Variants in FOCAD observed in about 807,000 individuals in gnomAD.
FOCAD encodes the protein KIAA1797.
A neutral mutation model predicts 225.6 loss-of-function variants in FOCAD; 198 were observed. The ratio of observed to expected loss-of-function variants is 0.88; its 90% CI spans 0.78 to 0.99. The LOEUF (loss-of-function observed/expected upper bound fraction) is 0.99, where lower values mean the gene tolerates loss of function less well. Among genes scored for constraint, FOCAD ranks in the 50% least tolerant of loss-of-function variants. FOCAD has a pLI of 0.00. For synonymous variants in FOCAD, 897 were observed against 755.0 expected, an observed-to-expected ratio of 1.19 and a Z score of -3.08; for missense variants, 2,713 against 2,123.6, an observed-to-expected ratio of 1.28 and a Z score of -5.46.
intron 24 of FOCAD, among the ~76,000 whole-genome samples, chr9:20,919,517 CA>C (rs1187704095): frequency 3.9e-5 from 6 of 152,084 alleles, no homozygotes; most frequent in African/African-American, 1.4e-4. Context: ...AATCCTAAGC[CA>C]AAAGAACAAA....
chr9:20,955,475 C>T (rs1227077521), intron 35 of FOCAD, among the ~76,000 whole-genome samples: 1 of 151,618 alleles, frequency 6.6e-6, no homozygotes, highest in Non-Finnish European at 1.5e-5. Flanking sequence ...GATGAGATTC[C>T]CTCAGTTTTT....
chr9:20,828,552 C>T (rs886783047), intron 15 of FOCAD, among the ~76,000 whole-genome samples: 2 of 152,044 alleles, frequency 1.3e-5, no homozygotes, highest in East Asian at 3.9e-4. Context: ...TTTGCACCAG[C>T]ATTGTAAGAA....
At chr9:20,967,412 T>G (rs1839361153) in intron 35 of FOCAD, among the ~76,000 whole-genome samples, 1 of 152,166 alleles carries the variant, frequency 6.6e-6, no homozygotes, top group African/African-American at 2.4e-5. Context: ...CTATTAGTTT[T>G]TAAAAAGATT....
intron 7 of FOCAD, among the ~76,000 whole-genome samples, chr9:20,769,244 G>T (rs1349444442): frequency 1.3e-5 from 2 of 151,956 alleles, no homozygotes; most frequent in African/African-American, 2.4e-5. Context: ...ATAGTCATTT[G>T]GGTTATTATG....
At chr9:20,679,125 G>T (rs933372285) in intron 2 of FOCAD, among the ~76,000 whole-genome samples, 2 of 62,506 alleles carry the variant, frequency 3.2e-5, no homozygotes, top group Non-Finnish European at 6.6e-5. Flanking sequence ...CTGTGTATGT[G>T]TGTGTGTGTG....
chr9:20,721,668 C>T (rs1825776746), intron 4 of FOCAD, among the ~76,000 whole-genome samples: 1 of 152,126 alleles, frequency 6.6e-6, no homozygotes. Flanking sequence ...CACCACTGCA[C>T]TCCAGCCTGG....
chr9:20,849,849 A>G (rs1827476187), intron 15 of FOCAD, among the ~76,000 whole-genome samples: 1 of 151,888 alleles, frequency 6.6e-6, no homozygotes, highest in Non-Finnish European at 1.5e-5. Context: ...TGCAAAAAGA[A>G]GGCCTATCTC....
chr9:20,713,309 ACAGG>A (rs1212042352), intron 1 of FOCAD, among the ~76,000 whole-genome samples: 8 of 152,122 alleles, frequency 5.3e-5, no homozygotes, highest in Non-Finnish European at 1.2e-4. Flanking sequence ...TCTTCCTAAG[ACAGG>A]GCTTAAGCAA....
intron 15 of FOCAD, among the ~76,000 whole-genome samples, chr9:20,830,490 T>G (rs377183392): frequency 2.0e-5 from 3 of 152,138 alleles, no homozygotes; most frequent in Non-Finnish European, 4.4e-5. Context: ...CATTTTTTCA[T>G]ATCCCTTTTC....
At chr9:20,762,236 T>C (rs551175487) in intron 6 of FOCAD, among the ~76,000 whole-genome samples, 4 of 152,356 alleles carry the variant, frequency 2.6e-5, no homozygotes, top group African/African-American at 9.6e-5. Context: ...TTCTGGGAAC[T>C]TTCACTTTGT....
At chr9:20,754,077 A>C (rs376819538) in intron 5 of FOCAD, among the ~76,000 whole-genome samples, 4 of 152,252 alleles carry the variant, frequency 2.6e-5, no homozygotes, top group African/African-American at 9.6e-5. Flanking sequence ...TAAAGTTGTT[A>C]ACTTGACTCA....
At chr9:20,674,712 A>C (rs556039675) in intron 2 of FOCAD, among the ~76,000 whole-genome samples, 1 of 152,174 alleles carries the variant, frequency 6.6e-6, no homozygotes, top group East Asian at 1.9e-4. Flanking sequence ...GACGATGATG[A>C]TTTTATTTGA....
chr9:20,722,165 C>G (rs977238096), intron 4 of FOCAD, among the ~76,000 whole-genome samples: 1 of 151,260 alleles, frequency 6.6e-6, no homozygotes, highest in African/African-American at 2.4e-5. Flanking sequence ...GCCTCAGCCT[C>G]CTAAGTAGCT....
At chr9:20,727,040 AT>A (rs1826253405) in intron 4 of FOCAD, among the ~76,000 whole-genome samples, 2 of 152,104 alleles carry the variant, frequency 1.3e-5, no homozygotes, top group African/African-American at 4.8e-5. Context: ...TTATATTTAT[AT>A]TGATATTATG....
chr9:20,940,280 T>TC (rs1241626532), intron 28 of FOCAD, among the ~76,000 whole-genome samples: 2 of 144,450 alleles, frequency 1.4e-5, no homozygotes, highest in Admixed American at 7.1e-5. Context: ...TGTGCAGTTC[T>TC]CCCTTTTTTT....
At chr9:20,989,581 G>C (rs1841473912) in intron 41 of FOCAD, among the ~76,000 whole-genome samples, 1 of 152,136 alleles carries the variant, frequency 6.6e-6, no homozygotes, top group African/African-American at 2.4e-5. Flanking sequence ...CCACTTGGGA[G>C]GCTGAAGCAG....
chr9:20,695,498 T>C (rs1205672776), intron 1 of FOCAD, among the ~76,000 whole-genome samples: 2 of 152,210 alleles, frequency 1.3e-5, no homozygotes, highest in Non-Finnish European at 2.9e-5. Context: ...ACGTTTCTTT[T>C]TACAATACAA....
At chr9:20,828,694 C>A (rs10964732) in intron 15 of FOCAD, among the ~76,000 whole-genome samples, 2 of 151,892 alleles carry the variant, frequency 1.3e-5, no homozygotes, top group Admixed American at 6.6e-5. Flanking sequence ...CATAGGTAAA[C>A]GTGTGCCATG....
chr9:20,834,478 G>A (rs1478242311), intron 15 of FOCAD, among the ~76,000 whole-genome samples: 3 of 151,952 alleles, frequency 2.0e-5, no homozygotes, highest in South Asian at 2.1e-4. Context: ...AAAACAACTC[G>A]AATAACCATT....
Sources: allele counts gnomAD v4.1 joint callset (sites outside exome capture counted in the v4.1 genomes callset), GRCh38; gene constraint gnomAD v4.1.1; transcripts MANE v1.5; gene names NCBI Gene and HGNC (gene_info 2026-07-23, HGNC 2026-07-21).